The following USP48 variants were observed in gnomAD, a reference collection of about 807,000 sequenced individuals.
The protein encoded by USP48 is ubiquitin carboxyl-terminal hydrolase 48.
Under a neutral mutation model 150.7 loss-of-function variants are expected in USP48, and 43 were observed. That is an observed-to-expected ratio of 0.29 (90% CI 0.22 to 0.37). The LOEUF is 0.37. Ranked by LOEUF, USP48 falls within the 10% of genes least tolerant of loss-of-function variation. The probability of loss-of-function intolerance (pLI) is 1.00; values close to 1 mark genes in which losing one functional copy is unlikely to be tolerated. For missense variants in USP48, 813 were observed against 1,249.6 expected, an observed-to-expected ratio of 0.65 and a Z score of 5.27; for synonymous variants, 396 against 425.9, an observed-to-expected ratio of 0.93 and a Z score of 0.86.
intron 15 of USP48, among the ~76,000 whole-genome samples, chr1:21,713,010 A>T (rs2097694423): frequency 6.6e-6 from 1 of 152,146 alleles, no homozygotes; most frequent in Admixed American, 6.5e-5. Context: ...CTAAAAAAAT[A>T]ACCCTTGTAT....
intron 24 of USP48, among the ~76,000 whole-genome samples, chr1:21,688,714 A>G (rs962581186): frequency 2.0e-5 from 3 of 151,720 alleles, no homozygotes; most frequent in Non-Finnish European, 2.9e-5. Context: ...GTGGTGGCAC[A>G]CGCCTGTAAT....
chr1:21,770,854 G>A (rs1362927016), intron 1 of USP48, among the ~76,000 whole-genome samples: 1 of 151,972 alleles, frequency 6.6e-6, no homozygotes, highest in African/African-American at 2.4e-5. Flanking sequence ...TGGCTACAGT[G>A]GCTCACGCCT....
intron 8 of USP48, among the ~76,000 whole-genome samples, chr1:21,745,768 A>G (rs774021275): frequency 7.3e-4 from 111 of 152,326 alleles, no homozygotes; most frequent in Non-Finnish European, 1.1e-3. Flanking sequence ...CTCATTTCAC[A>G]TCTCCTAAGT....
In USP48 at chr1:21,685,334, T is replaced by C. The variant is rs550328564; in HGVS notation, c.3058+1857A>G. ...TATTGGAATTGCTTTCTTTTCTTTTTTTTTTTTTTGAGATGGAGTCTGTCA... is the reference window on the plus strand; with the variant it reads ...TATTGGAATTGCTTTCTTTTCTTTTCTTTTTTTTTGAGATGGAGTCTGTCA... On this transcript the variant is annotated intron_variant, in intron 25 of 26. Coordinates refer to ENST00000308271, the MANE Select transcript of USP48 (RefSeq NM_032236.8). Among the ~76,000 whole-genome samples, 32 of 151,518 alleles carry C rather than the reference T, an allele frequency of 2.1e-4. No homozygotes were observed. The East Asian group carries it at 5.8e-3, about 27-fold the overall frequency.
At chr1:21,729,260 C>T (rs113081951) in intron 10 of USP48, among the ~76,000 whole-genome samples, 6 of 144,360 alleles carry the variant, frequency 4.2e-5, no homozygotes, top group African/African-American at 1.3e-4. Context: ...CCAGCCTGGG[C>T]GAAAGAATGA....
chr1:21,732,994 T>C (rs971567801), intron 9 of USP48, among the ~76,000 whole-genome samples: 24 of 152,226 alleles, frequency 1.6e-4, no homozygotes, highest in Non-Finnish European at 2.9e-5. Context: ...GCACCTATGC[T>C]TGGATGTTAA....
At chr1:21,691,519 T>G (rs1295755115) in intron 23 of USP48, among the ~76,000 whole-genome samples, 1 of 151,594 alleles carries the variant, frequency 6.6e-6, no homozygotes. Flanking sequence ...CCTGTGATCT[T>G]AGCTACTTGG....
At chr1:21,740,103 G>A (rs944846039) in intron 8 of USP48, among the ~76,000 whole-genome samples, 2 of 152,122 alleles carry the variant, frequency 1.3e-5, no homozygotes, top group Admixed American at 6.5e-5. Context: ...TAGAGACGGC[G>A]TTTCTCCATG....
At chr1:21,734,866 T>A (rs893612309) in intron 9 of USP48, among the ~76,000 whole-genome samples, 2 of 152,190 alleles carry the variant, frequency 1.3e-5, no homozygotes, top group Non-Finnish European at 2.9e-5. Flanking sequence ...AGAAAAACTG[T>A]CCATTCCTTT....
intron 9 of USP48, among the ~76,000 whole-genome samples, chr1:21,733,272 T>G (rs145828251): frequency 6.6e-6 from 1 of 151,906 alleles, no homozygotes; most frequent in African/African-American, 2.4e-5. Flanking sequence ...AAAAAATTGG[T>G]CAGGCGTGGT....
chr1:21,679,250 T>C lies in USP48; in HGVS notation c.*167A>G. 1 of 811,074 alleles carries C rather than the reference T, an allele frequency of 1.2e-6. No homozygotes were observed. Among genetic ancestry groups the C allele is most frequent in the Non-Finnish European group, 2.1e-6 (1 of 484,326 alleles). The allele number at this position is 811,074 out of a possible 1,614,324, so 50.2% of individuals were successfully genotyped here. A position where few individuals can be genotyped will look rare whatever the true frequency, so the allele number is the denominator to read the frequency against. ...CTGATGTCCATCAGTGCAATCTGCTTTATTTGACATAAGGCATTTGGGACA... is the reference window on the plus strand; with the variant it reads ...CTGATGTCCATCAGTGCAATCTGCTCTATTTGACATAAGGCATTTGGGACA... On this transcript the variant is annotated 3_prime_UTR_variant, in exon 27 of 27. Transcript: ENST00000308271.
At chr1:21,681,127 T>C (rs992796580) in intron 25 of USP48, 18 of 257,140 alleles carry the variant, frequency 7.0e-5, no homozygotes, top group South Asian at 5.2e-4. Flanking sequence ...GGAAGCCATG[T>C]AACTGACTCC....
intron 14 of USP48, among the ~76,000 whole-genome samples, chr1:21,718,141 A>T (rs902773338): frequency 6.6e-6 from 1 of 152,256 alleles, no homozygotes; most frequent in Non-Finnish European, 1.5e-5. Flanking sequence ...AAAATTCTGT[A>T]ATGATGTAAG....
intron 24 of USP48, among the ~76,000 whole-genome samples, chr1:21,688,071 CCTGAACA>C (rs1277928662): frequency 6.6e-6 from 1 of 152,128 alleles, no homozygotes; most frequent in African/African-American, 2.4e-5. Context: ...AAATAAAAAA[CCTGAACA>C]ATGATTCTAC....
At chr1:21,725,618 C>T (rs762484953) in intron 11 of USP48, among the ~76,000 whole-genome samples, 8 of 150,902 alleles carry the variant, frequency 5.3e-5, no homozygotes, top group South Asian at 2.1e-4. Context: ...CTGGGCATGG[C>T]GGCACACGAC....
intron 9 of USP48, among the ~76,000 whole-genome samples, chr1:21,730,359 T>C (rs1419852328): frequency 1.3e-5 from 2 of 151,956 alleles, no homozygotes; most frequent in African/African-American, 4.8e-5. Context: ...AGTGAATCGA[T>C]TGAACCCAGG....
chr1:21,688,215 T>C (rs2097584890), intron 24 of USP48, among the ~76,000 whole-genome samples: 1 of 152,166 alleles, frequency 6.6e-6, no homozygotes, highest in African/African-American at 2.4e-5. Context: ...GCTGGTTCAA[T>C]GACTTTTCTT....
intron 26 of USP48, among the ~76,000 whole-genome samples, chr1:21,680,134 T>C (rs2097561808): frequency 6.6e-6 from 1 of 152,232 alleles, no homozygotes; most frequent in Non-Finnish European, 1.5e-5. Context: ...TCATTTGCTT[T>C]AGCAAGGAAT....
chr1:21,711,216 G>T (rs2097689275), intron 15 of USP48, among the ~76,000 whole-genome samples: 1 of 152,126 alleles, frequency 6.6e-6, no homozygotes, highest in South Asian at 2.1e-4. Context: ...CTCTAAGTTG[G>T]CGAAAGTCAA....
Sources: gnomAD v4.1 joint callset for allele counts (sites outside exome capture counted in the v4.1 genomes callset) on GRCh38, gnomAD v4.1.1 for gene constraint, MANE v1.5 for transcripts, NCBI Gene and HGNC (gene_info 2026-07-23, HGNC 2026-07-21) for gene names.